ACTR10: variants seen among roughly 807,000 people sequenced by gnomAD.
The protein encoded by ACTR10 is actin related protein 10.
In ACTR10, 43 loss-of-function variants were observed where a neutral mutation model predicts 56.2. The ratio of observed to expected loss-of-function variants is 0.77; its 90% CI spans 0.60 to 0.99. The LOEUF is 0.99. Ranked by LOEUF, ACTR10 falls within the 50% of genes least tolerant of loss-of-function variation. ACTR10 has a pLI of 0.00. For synonymous variants in ACTR10, 170 were observed against 176.3 expected, an observed-to-expected ratio of 0.96 and a Z score of 0.28; for missense variants, 466 against 507.8, an observed-to-expected ratio of 0.92 and a Z score of 0.79.
chr14:58,211,375 A>T lies in ACTR10; in HGVS notation c.426A>T (p.Gly142=). The T allele has an allele frequency of 6.2e-7, 1 of 1,613,736 alleles. No individual in the cohort carries two copies. Among genetic ancestry groups the T allele is most frequent in the African/African-American group, 1.3e-5 (1 of 75,040 alleles). ...GINSAMVLDC[G]YRESLVLPIY... is the part of the protein sequence containing the mutation. ...ATTCTGCCATGGTCCTAGATTGTGGATATAGGGAAAGCCTGGTGTTACCCA... is the reference window on the plus strand; with the variant it reads ...ATTCTGCCATGGTCCTAGATTGTGGTTATAGGGAAAGCCTGGTGTTACCCA... Residue 142 remains glycine (G), a synonymous_variant, in exon 5 of 13, where the codon GGA becomes GGT. Coordinates refer to ENST00000254286, the MANE Select transcript of ACTR10 (RefSeq NM_018477.3).
intron 5 of ACTR10, chr14:58,213,135 G>C (rs1889043250): frequency 6.6e-6 from 1 of 151,980 alleles, no homozygotes; most frequent in Non-Finnish European, 1.5e-5. Flanking sequence ...AGTTAATAGA[G>C]TTTTCTAAGA....
intron 11 of ACTR10, chr14:58,231,120 C>T (rs775181545): frequency 2.1e-5 from 7 of 335,600 alleles, no homozygotes; most frequent in Non-Finnish European, 4.4e-5. Context: ...ATGGCATGAT[C>T]TCAGCTCAGC....
At chr14:58,226,362 GC>G (rs1295294346) in intron 10 of ACTR10, among the ~76,000 whole-genome samples, 1 of 149,542 alleles carries the variant, frequency 6.7e-6, no homozygotes, top group Non-Finnish European at 1.5e-5. Context: ...CTCCCACCTT[GC>G]CCTCCCAGAG....
At position 58,221,643 on chromosome 14, in the gene ACTR10, A is replaced by T. The variant is rs568705258; in HGVS notation, c.634+1914A>T. Among the ~76,000 whole-genome samples the T allele has an allele frequency of 2.2e-4, 34 of 152,246 alleles. No homozygotes were observed. In the South Asian group the frequency reaches 6.2e-3, roughly 28 times the overall value. On this transcript the variant is annotated intron_variant, in intron 8 of 12. Transcript: ENST00000254286. ...ACTAATATGCAGCATACACATATTC[A>T]TTGTATTGTGTGATCTTGAACTGGG...
At chr14:58,217,792 CTTTCA>C (rs2140053785) in intron 7 of ACTR10, among the ~76,000 whole-genome samples, 1 of 152,274 alleles carries the variant, frequency 6.6e-6, no homozygotes, top group African/African-American at 2.4e-5. Flanking sequence ...GAATGAGCCT[CTTTCA>C]TTTAGTGTTT....
chr14:58,201,173 A>G (rs2140038760), intron 1 of ACTR10, among the ~76,000 whole-genome samples: 1 of 152,348 alleles, frequency 6.6e-6, no homozygotes, highest in Middle Eastern at 3.4e-3. Context: ...TTATTGACTA[A>G]GTGGTTAAAA....
intron 1 of ACTR10, 86 bp downstream of exon 1, chr14:58,200,380 A>G: frequency 8.6e-7 from 1 of 1,167,686 alleles, no homozygotes; most frequent in Non-Finnish European, 1.1e-6. Flanking sequence ...CTCATCGCCG[A>G]CTCGCTGGGC....
At chr14:58,203,302 CAAAAAAAAAAA>C (rs11384472) in intron 2 of ACTR10, among the ~76,000 whole-genome samples, 2 of 105,460 alleles carry the variant, frequency 1.9e-5, no homozygotes, top group East Asian at 5.1e-4. Context: ...GACTTCGTCT[CAAAAAAAAAAA>C]AAAAAAAAGA....
rs1402811604 is a variant in ACTR10 at position 58,234,685 on chromosome 14, A to G, written c.*134A>G. Reference sequence around the variant, plus strand: ...AAAGCATTCTGTGTTTACTCTTTGCATTAATATATAATTCTTTTGACTTTG... The same window carrying G: ...AAAGCATTCTGTGTTTACTCTTTGCGTTAATATATAATTCTTTTGACTTTG... On this transcript the variant is annotated 3_prime_UTR_variant, in exon 13 of 13. Transcript: ENST00000254286. 6 of 737,072 alleles carry G rather than the reference A, an allele frequency of 8.1e-6. No homozygotes were observed. The highest frequency in any genetic ancestry group is 8.1e-6 in the Non-Finnish European group (4 of 496,662). 45.7% of individuals were successfully genotyped at this position (737,072 alleles called of 1,614,324 possible). A position where few individuals can be genotyped will look rare whatever the true frequency, so the allele number is the denominator to read the frequency against.
At chr14:58,222,898 CAGAG>C (rs1474164685) in intron 8 of ACTR10, among the ~76,000 whole-genome samples, 1 of 151,004 alleles carries the variant, frequency 6.6e-6, no homozygotes, top group Non-Finnish European at 1.5e-5. Flanking sequence ...AAGAATCAGA[CAGAG>C]AGAGGGAGAA....
intron 8 of ACTR10, among the ~76,000 whole-genome samples, chr14:58,220,485 T>C (rs1006025476): frequency 2.0e-5 from 3 of 152,224 alleles, no homozygotes; most frequent in Admixed American, 1.3e-4. Context: ...TTCTTTTCAA[T>C]TGTTATAAAA....
intron 5 of ACTR10, among the ~76,000 whole-genome samples, chr14:58,212,272 A>G (rs943901692): frequency 6.6e-6 from 1 of 152,210 alleles, no homozygotes; most frequent in African/African-American, 2.4e-5. Context: ...TGGTTTTTAT[A>G]TCATTGACCA....
At chr14:58,218,507 TA>T (rs1889188660) in intron 7 of ACTR10, among the ~76,000 whole-genome samples, 1 of 152,076 alleles carries the variant, frequency 6.6e-6, no homozygotes, top group African/African-American at 2.4e-5. Context: ...GGTAAAATAA[TA>T]AATAATTCTA....
In ACTR10 at chr14:58,200,314, G is replaced by A; in HGVS notation, c.77+20G>A. On this transcript the variant is annotated intron_variant, in intron 1 of 12. Transcript: ENST00000254286. ...TACCAAGTGAGTGGCCGTGACGCCA[G>A]CTGTGTTCGACCCGAGGGGAGGGCG... The A allele has an allele frequency of 6.7e-7, 1 of 1,491,200 alleles. No individual in the cohort carries two copies. The highest frequency in any genetic ancestry group is 8.9e-7 in the Non-Finnish European group (1 of 1,122,964). 92.4% of individuals were successfully genotyped at this position (1,491,200 alleles called of 1,614,324 possible).
chr14:58,215,081 G>A (rs572602614), intron 6 of ACTR10, 124 bp from the exon 7 acceptor site: 2 of 556,708 alleles, frequency 3.6e-6, no homozygotes, highest in African/African-American at 1.9e-5. Flanking sequence ...ACTCCAGCCT[G>A]GGCAACAGAG....
chr14:58,202,560 G>A (rs1163399060), intron 1 of ACTR10, among the ~76,000 whole-genome samples: 2 of 151,864 alleles, frequency 1.3e-5, no homozygotes, highest in African/African-American at 4.8e-5. Context: ...CTCCAGCCTG[G>A]GTGACAGAGC....
At chr14:58,214,989 C>G (rs1196945635) in intron 6 of ACTR10, among the ~76,000 whole-genome samples, 2 of 151,332 alleles carry the variant, frequency 1.3e-5, no homozygotes, top group Non-Finnish European at 2.9e-5. Context: ...ACCTGTAATC[C>G]CAGCTACTCG....
chr14:58,214,068 A>C (rs1889068283), intron 6 of ACTR10, among the ~76,000 whole-genome samples: 1 of 152,150 alleles, frequency 6.6e-6, no homozygotes, highest in Non-Finnish European at 1.5e-5. Context: ...TTAAGTTATT[A>C]TTGTCTACAG....
At chr14:58,201,857 T>C (rs1888711663) in intron 1 of ACTR10, among the ~76,000 whole-genome samples, 1 of 151,954 alleles carries the variant, frequency 6.6e-6, no homozygotes, top group Non-Finnish European at 1.5e-5. Context: ...ATACAAAATT[T>C]AGCCGGCGGT....
Sources: allele counts gnomAD v4.1 joint callset (sites outside exome capture counted in the v4.1 genomes callset), GRCh38; gene constraint gnomAD v4.1.1; transcripts MANE v1.5; gene names NCBI Gene and HGNC (gene_info 2026-07-23, HGNC 2026-07-21).